Variants in UST observed in about 807,000 individuals in gnomAD.
The protein encoded by UST is chondroitin sulfate 2-O-sulfotransferase.
UST carries 21 observed loss-of-function variants against 45.6 expected under a neutral mutation model. The ratio of observed to expected loss-of-function variants is 0.46; its 90% CI spans 0.33 to 0.66. UST has a LOEUF of 0.66. Ranked by LOEUF, UST falls within the 30% of genes least tolerant of loss-of-function variation. UST has a pLI of 0.02. For missense variants in UST, 463 were observed against 512.4 expected (o/e 0.90, Z 0.93); for synonymous variants, 215 against 200.6 (o/e 1.07, Z -0.61).
intron 5 of UST, among the ~76,000 whole-genome samples, chr6:148,990,943 G>T (rs1781339156): frequency 6.6e-6 from 1 of 152,168 alleles, no homozygotes; most frequent in African/African-American, 2.4e-5. Context: ...TCTCCTGTGG[G>T]CTGGCACTCT....
chr6:149,071,195 A>G (rs1363010595), intron 7 of UST, among the ~76,000 whole-genome samples: 1 of 152,084 alleles, frequency 6.6e-6, no homozygotes, highest in Admixed American at 6.6e-5. Flanking sequence ...CCTGTCCCCA[A>G]TCCCCCACTA....
chr6:149,017,795 T>TACACACAC (rs1300956547), intron 5 of UST, among the ~76,000 whole-genome samples: 1 of 51,138 alleles, frequency 2.0e-5, no homozygotes. Context: ...TGAATATCCA[T>TACACACAC]ATATACACAC....
chr6:148,938,198 A>G (rs1780056715), intron 2 of UST, among the ~76,000 whole-genome samples: 1 of 152,216 alleles, frequency 6.6e-6, no homozygotes, highest in African/African-American at 2.4e-5. Flanking sequence ...TGTGTTAATT[A>G]GTGTTAAGCA....
rs117151847 is a variant in UST, at chr6:148,774,966, C to T, written c.247+27289C>T. Among the ~76,000 whole-genome samples, 1,392 of 151,966 alleles carry T rather than the reference C, an allele frequency of 9.2e-3. 17 individuals carry two copies. Among genetic ancestry groups the T allele is most frequent in the Middle Eastern group, 0.037 (11 of 294 alleles). On this transcript the variant is annotated intron_variant, in intron 1 of 7. Transcript: ENST00000367463. The stretch of plus-strand genomic sequence containing the variant: ...CTGGGATGCGGGGGTTGCAGTCAGC[C>T]GAGATTACGCCACTACACTCCAGCC...
At chr6:148,876,507 G>A (rs973466538) in intron 1 of UST, among the ~76,000 whole-genome samples, 8 of 152,134 alleles carry the variant, frequency 5.3e-5, no homozygotes, top group Non-Finnish European at 7.4e-5. Flanking sequence ...GCAGGTCTGA[G>A]ATTTGAACCC....
At chr6:148,866,943 T>C (rs1464798351) in intron 1 of UST, among the ~76,000 whole-genome samples, 2 of 152,038 alleles carry the variant, frequency 1.3e-5, no homozygotes, top group African/African-American at 4.8e-5. Context: ...TCTGAAACGG[T>C]CATGGCCTCG....
intron 5 of UST, among the ~76,000 whole-genome samples, chr6:148,982,336 T>A (rs1781154341): frequency 6.6e-6 from 1 of 152,152 alleles, no homozygotes; most frequent in African/African-American, 2.4e-5. Context: ...TGACCTCAAA[T>A]GATCCGCCCA....
chr6:148,781,313 GAA>G (rs2114689202), intron 1 of UST, among the ~76,000 whole-genome samples: 1 of 152,304 alleles, frequency 6.6e-6, no homozygotes, highest in East Asian at 1.9e-4. Flanking sequence ...CTGATACCGA[GAA>G]AGTTTGAGTG....
intron 1 of UST, among the ~76,000 whole-genome samples, chr6:148,844,103 G>A (rs1429235031): frequency 6.6e-6 from 1 of 152,116 alleles, no homozygotes; most frequent in Non-Finnish European, 1.5e-5. Flanking sequence ...TTGTCACTGA[G>A]GCAGAATTGT....
At chr6:148,820,579 G>A (rs577655019) in intron 1 of UST, among the ~76,000 whole-genome samples, 2 of 151,838 alleles carry the variant, frequency 1.3e-5, no homozygotes, top group Non-Finnish European at 2.9e-5. Context: ...GGCCGGGCAC[G>A]GTGGCTCATG....
At chr6:148,937,350 C>T (rs999609562) in intron 2 of UST, among the ~76,000 whole-genome samples, 3 of 152,110 alleles carry the variant, frequency 2.0e-5, no homozygotes, top group Non-Finnish European at 2.9e-5. Flanking sequence ...AAGTTATTAT[C>T]GTAGACCCAG....
intron 5 of UST, among the ~76,000 whole-genome samples, chr6:148,973,248 G>A (rs74662296): frequency 2.1e-3 from 327 of 152,280 alleles, no homozygotes; most frequent in African/African-American, 7.3e-3. Context: ...TTCTTATCCA[G>A]AAACCAAGGT....
chr6:148,854,898 T>C (rs1467092569), intron 1 of UST, among the ~76,000 whole-genome samples: 1 of 152,188 alleles, frequency 6.6e-6, no homozygotes, highest in African/African-American at 2.4e-5. Context: ...ATTTTCACAC[T>C]ACTGATAAAG....
chr6:148,854,155 T>A (rs1315155665), intron 1 of UST, among the ~76,000 whole-genome samples: 1 of 152,228 alleles, frequency 6.6e-6, no homozygotes, highest in African/African-American at 2.4e-5. Context: ...AAATATGACT[T>A]AGAAACATTG....
chr6:149,016,856 C>T (rs1019273481), intron 5 of UST, among the ~76,000 whole-genome samples: 5 of 152,190 alleles, frequency 3.3e-5, no homozygotes, highest in Non-Finnish European at 7.3e-5. Flanking sequence ...TCACCCAGCT[C>T]CTGGCCCCCT....
chr6:149,021,514 G>A, intron 7 of UST, 33 bp downstream of exon 7: 10 of 1,612,334 alleles, frequency 6.2e-6, no homozygotes, highest in Non-Finnish European at 8.5e-6. Flanking sequence ...TCTTCTCCAT[G>A]AGAGGTCTGT....
chr6:148,994,960 G>A (rs973564532), intron 5 of UST, among the ~76,000 whole-genome samples: 13 of 152,084 alleles, frequency 8.5e-5, no homozygotes, highest in Non-Finnish European at 1.8e-4. Context: ...AGTCTGTAAA[G>A]CATTTTCACA....
At chr6:149,028,093 C>T (rs1224798234) in intron 7 of UST, among the ~76,000 whole-genome samples, 1 of 152,080 alleles carries the variant, frequency 6.6e-6, no homozygotes, top group Non-Finnish European at 1.5e-5. Context: ...AGCCACCTGC[C>T]TCGGCCTCCG....
intron 1 of UST, among the ~76,000 whole-genome samples, chr6:148,886,584 A>G (rs1031037667): frequency 3.3e-5 from 5 of 152,190 alleles, no homozygotes; most frequent in African/African-American, 1.2e-4. Flanking sequence ...ATCTCTTGGG[A>G]ACTGGTTAGA....
Sources: allele counts gnomAD v4.1 joint callset (sites outside exome capture counted in the v4.1 genomes callset), GRCh38; gene constraint gnomAD v4.1.1; transcripts MANE v1.5; gene names NCBI Gene and HGNC (gene_info 2026-07-23, HGNC 2026-07-21).